Variants in GAS2 observed in about 807,000 individuals in gnomAD.
The protein encoded by GAS2 is growth arrest-specific protein 2.
Under a neutral mutation model 37.5 loss-of-function variants are expected in GAS2, and 20 were observed. The ratio of observed to expected loss-of-function variants is 0.53; its 90% CI spans 0.37 to 0.77. The LOEUF (loss-of-function observed/expected upper bound fraction) is 0.77. Among genes scored for constraint, GAS2 ranks in the 30% least tolerant of loss-of-function variants. The pLI, the probability that GAS2 is intolerant of heterozygous loss-of-function variation, is 0.00. For synonymous variants in GAS2, 144 were observed against 132.2 expected, an observed-to-expected ratio of 1.09 and a Z score of -0.61; for missense variants, 336 against 373.4, an observed-to-expected ratio of 0.90 and a Z score of 0.82.
intron 7 of GAS2, 51 bp from the exon 8 acceptor site, chr11:22,811,747 G>T (rs1160600158): frequency 6.5e-7 from 1 of 1,530,710 alleles, no homozygotes; most frequent in Admixed American, 1.7e-5. Flanking sequence ...TTGATTCAAG[G>T]TACTGTAAGA....
chr11:22,798,083 C>G (rs935137441), intron 7 of GAS2, among the ~76,000 whole-genome samples: 15 of 152,026 alleles, frequency 9.9e-5, no homozygotes, highest in African/African-American at 3.6e-4. Flanking sequence ...TGCTTCTTAG[C>G]TAGGTGACCT....
chr11:22,673,390 A>T (rs914939249), intron 1 of GAS2, among the ~76,000 whole-genome samples: 1 of 152,226 alleles, frequency 6.6e-6, no homozygotes, highest in Non-Finnish European at 1.5e-5. Context: ...TGCCATAAAT[A>T]CTGCAATATC....
At chr11:22,713,366 T>A (rs1033771696) in intron 3 of GAS2, among the ~76,000 whole-genome samples, 2 of 151,776 alleles carry the variant, frequency 1.3e-5, no homozygotes, top group African/African-American at 2.4e-5. Flanking sequence ...TTATGTTAAA[T>A]GACCAAACAT....
At chr11:22,754,002 C>G (rs1853884244) in intron 6 of GAS2, among the ~76,000 whole-genome samples, 1 of 151,962 alleles carries the variant, frequency 6.6e-6, no homozygotes, top group South Asian at 2.1e-4. Context: ...CAGAAATAAC[C>G]TTTCAAAAAA....
chr11:22,745,798 CTT>C (rs952803547), intron 5 of GAS2, among the ~76,000 whole-genome samples: 10 of 152,020 alleles, frequency 6.6e-5, no homozygotes, highest in African/African-American at 2.4e-4. Flanking sequence ...TGAACAGACA[CTT>C]AAAAAAACAT....
chr11:22,642,881 G>T (rs984236824), intron 1 of GAS2, among the ~76,000 whole-genome samples: 4 of 152,096 alleles, frequency 2.6e-5, no homozygotes, highest in Non-Finnish European at 4.4e-5. Flanking sequence ...ACTCAGGAAG[G>T]AAAAGGATGT....
At chr11:22,734,611 T>C (rs552265792) in intron 4 of GAS2, among the ~76,000 whole-genome samples, 63 of 151,640 alleles carry the variant, frequency 4.2e-4, no homozygotes, top group African/African-American at 1.2e-3. Context: ...AAGAAAAAAA[T>C]ATAAAACTAT....
chr11:22,649,415 G>A (rs1160119326), intron 1 of GAS2, among the ~76,000 whole-genome samples: 10 of 152,110 alleles, frequency 6.6e-5, no homozygotes, highest in Admixed American at 5.2e-4. Flanking sequence ...TTGGTATCAG[G>A]ATGATGCTGG....
chr11:22,722,037 CA>C (rs1368879080), intron 3 of GAS2, among the ~76,000 whole-genome samples: 2 of 151,878 alleles, frequency 1.3e-5, no homozygotes, highest in African/African-American at 2.4e-5. Context: ...CACTGAAATA[CA>C]GATTTTAAGT....
At position 22,745,611 on chromosome 11, in the gene GAS2, C is replaced by T. The variant is rs573969582; in HGVS notation, c.474-3509C>T. On this transcript the variant is annotated intron_variant, in intron 5 of 7. Coordinates refer to ENST00000454584, the MANE Select transcript of GAS2 (RefSeq NM_001143830.3). ...AATTGACAAGTGGGACCTAATTAAA[C>T]TAAAGAGCTTCTGCACAACAAAATA... Among the ~76,000 whole-genome samples, 34 of 152,212 alleles carry T rather than the reference C, an allele frequency of 2.2e-4. No homozygotes were observed. In the South Asian group the frequency reaches 6.4e-3, roughly 29 times the overall value.
intron 7 of GAS2, among the ~76,000 whole-genome samples, chr11:22,764,268 G>T (rs1017761425): frequency 6.6e-6 from 1 of 152,014 alleles, no homozygotes; most frequent in Non-Finnish European, 1.5e-5. Flanking sequence ...TTTTAAAAAA[G>T]CAAGAAAGAC....
intron 4 of GAS2, among the ~76,000 whole-genome samples, chr11:22,727,348 G>A (rs576231013): frequency 1.3e-5 from 2 of 152,134 alleles, no homozygotes; most frequent in South Asian, 2.1e-4. Context: ...TAATATCAAA[G>A]TAAGGTGAGC....
chr11:22,744,498 G>A (rs1853265757), intron 5 of GAS2, among the ~76,000 whole-genome samples: 1 of 151,950 alleles, frequency 6.6e-6, no homozygotes, highest in Non-Finnish European at 1.5e-5. Context: ...TTCAACATAT[G>A]CAAATCAATA....
At chr11:22,701,551 GGGCGCGGT>G (rs1252911971) in intron 3 of GAS2, among the ~76,000 whole-genome samples, 1 of 152,144 alleles carries the variant, frequency 6.6e-6, no homozygotes, top group Admixed American at 6.6e-5. Flanking sequence ...GGAAAGGGCT[GGGCGCGGT>G]GGCTCACGCC....
chr11:22,800,454 C>CGGTA (rs1856613167), intron 7 of GAS2, among the ~76,000 whole-genome samples: 1 of 151,976 alleles, frequency 6.6e-6, no homozygotes, highest in Admixed American at 6.6e-5. Flanking sequence ...TTTAAGAAGG[C>CGGTA]GGTAGCATGT....
chr11:22,655,891 TA>T (rs762835954), intron 1 of GAS2, among the ~76,000 whole-genome samples: 8 of 152,232 alleles, frequency 5.3e-5, no homozygotes, highest in Non-Finnish European at 1.2e-4. Flanking sequence ...TATCAATTAT[TA>T]AATAGTTCTG....
intron 7 of GAS2, among the ~76,000 whole-genome samples, chr11:22,790,357 T>C (rs78021553): frequency 0.013 from 2,036 of 152,222 alleles, 46 homozygotes; most frequent in African/African-American, 0.047. Context: ...ACTTAAAGTA[T>C]AATAAAAAAA....
intron 3 of GAS2, among the ~76,000 whole-genome samples, chr11:22,708,060 G>T (rs1851210674): frequency 6.6e-6 from 1 of 151,188 alleles, no homozygotes; most frequent in Admixed American, 6.6e-5. Flanking sequence ...GATATTCATT[G>T]GAAAACAACA....
intron 7 of GAS2, among the ~76,000 whole-genome samples, chr11:22,810,510 T>C (rs10833823): frequency 0.25 from 37,989 of 152,176 alleles, 5,774 homozygotes; most frequent in East Asian, 0.47. Flanking sequence ...TTTCACTTTC[T>C]GTTCTAAATT....
Sources: gnomAD v4.1 joint callset for allele counts (sites outside exome capture counted in the v4.1 genomes callset) on GRCh38, gnomAD v4.1.1 for gene constraint, MANE v1.5 for transcripts, NCBI Gene and HGNC (gene_info 2026-07-23, HGNC 2026-07-21) for gene names.